The following PEX14 variants were observed in gnomAD, a reference collection of about 807,000 sequenced individuals.
PEX14 encodes the protein peroxisomal membrane protein PEX14.
A neutral mutation model predicts 49.5 loss-of-function variants in PEX14; 15 were observed. That is an observed-to-expected ratio of 0.30 (90% confidence interval 0.20 to 0.47). The LOEUF (loss-of-function observed/expected upper bound fraction) is 0.47, where lower values mean the gene tolerates loss of function less well. Ranked by LOEUF, PEX14 falls within the 20% of genes least tolerant of loss-of-function variation. The pLI is 1.00. For synonymous variants in PEX14, 210 were observed against 212.7 expected (o/e 0.99, Z 0.11); for missense variants, 398 against 494.8 (o/e 0.80, Z 1.86).
intron 3 of PEX14, among the ~76,000 whole-genome samples, chr1:10,567,990 G>C (rs900645246): frequency 6.6e-6 from 1 of 152,144 alleles, no homozygotes; most frequent in Non-Finnish European, 1.5e-5. Flanking sequence ...CTTTCAGCCA[G>C]TTCTTTAATT....
intron 3 of PEX14, among the ~76,000 whole-genome samples, chr1:10,594,541 G>T (rs537509877): frequency 2.0e-4 from 30 of 152,360 alleles, no homozygotes; most frequent in African/African-American, 5.8e-4. Flanking sequence ...GCGCTGGCAG[G>T]AGTTCATTAC....
rs1207985077 is a variant in PEX14, at chr1:10,578,346, T to C, written c.170-20892T>C. Among the ~76,000 whole-genome samples, 4 of 152,130 alleles carry C rather than the reference T, an allele frequency of 2.6e-5. No homozygotes were observed. The East Asian group carries it at 5.8e-4, about 22-fold the overall frequency. On this transcript the variant is annotated intron_variant, in intron 3 of 8. Coordinates refer to ENST00000356607, the MANE Select transcript of PEX14 (RefSeq NM_004565.3). ...TTGAAATCCCAGAAGGGCTACCCCT[T>C]AGGGGCAAATACTACTCCCCAGGGC...
At chr1:10,496,204 A>G (rs979364785) in intron 2 of PEX14, among the ~76,000 whole-genome samples, 1 of 152,074 alleles carries the variant, frequency 6.6e-6, no homozygotes, top group African/African-American at 2.4e-5. Context: ...GCTGAGGGCG[A>G]GTTGGATCCA....
chr1:10,504,324 C>T (rs1317567579), intron 2 of PEX14, among the ~76,000 whole-genome samples: 1 of 152,134 alleles, frequency 6.6e-6, no homozygotes, highest in Non-Finnish European at 1.5e-5. Context: ...GAGATGGGGC[C>T]GACACTGAGT....
At chr1:10,556,641 T>G (rs924276068) in intron 3 of PEX14, among the ~76,000 whole-genome samples, 4 of 152,178 alleles carry the variant, frequency 2.6e-5, no homozygotes, top group Non-Finnish European at 5.9e-5. Flanking sequence ...TGCCGGGCTG[T>G]TTCTTCTACG....
At chr1:10,611,653 G>A (rs1157119184) in intron 4 of PEX14, among the ~76,000 whole-genome samples, 1 of 152,186 alleles carries the variant, frequency 6.6e-6, no homozygotes, top group Non-Finnish European at 1.5e-5. Context: ...ACACCCGATA[G>A]TCTCATTTTT....
chr1:10,591,365 T>C (rs927032060), intron 3 of PEX14, among the ~76,000 whole-genome samples: 1 of 151,952 alleles, frequency 6.6e-6, no homozygotes, highest in African/African-American at 2.4e-5. Flanking sequence ...AGACTTGGCT[T>C]GTATCTTCTT....
chr1:10,618,988 T>A (rs1276022626), intron 5 of PEX14, among the ~76,000 whole-genome samples: 1 of 152,230 alleles, frequency 6.6e-6, no homozygotes, highest in Non-Finnish European at 1.5e-5. Context: ...TGCCACAGCA[T>A]TTAAGAGCGG....
At chr1:10,612,207 T>C (rs1641293902) in intron 4 of PEX14, among the ~76,000 whole-genome samples, 1 of 152,186 alleles carries the variant, frequency 6.6e-6, no homozygotes, top group South Asian at 2.1e-4. Context: ...TTTTTTCCTA[T>C]GGATATCCAG....
rs535870653 is a variant in PEX14 at position 10,532,739 on chromosome 1, A to G, written c.85-3474A>G. 1.1e-4 allele frequency among the ~76,000 whole-genome samples: 17 copies of G among 152,322 alleles called. 1 individual carries two copies. In the South Asian group the frequency reaches 3.5e-3, roughly 32 times the overall value. On this transcript the variant is annotated intron_variant, in intron 2 of 8. Coordinates refer to ENST00000356607, the MANE Select transcript of PEX14 (RefSeq NM_004565.3). ...ATATAACCCATGAATAGTCACATTC[A>G]TCTTCTAATTAGAAAATCAAATGAT...
intron 3 of PEX14, among the ~76,000 whole-genome samples, chr1:10,570,127 C>T (rs1033644581): frequency 1.3e-5 from 2 of 151,786 alleles, no homozygotes; most frequent in East Asian, 3.9e-4. Flanking sequence ...AATAGTTTGT[C>T]TTCTAATAAT....
intron 2 of PEX14, among the ~76,000 whole-genome samples, chr1:10,508,881 T>A (rs549555655): frequency 6.6e-6 from 1 of 152,078 alleles, no homozygotes; most frequent in African/African-American, 2.4e-5. Flanking sequence ...TGGGGAAGGG[T>A]GGGAGTTTCC....
In PEX14 at chr1:10,623,329, A is replaced by T. The variant is rs1641649991; in HGVS notation, c.487+208A>T. 3 of 540,506 alleles carry T rather than the reference A, an allele frequency of 5.6e-6. No homozygotes were observed. Among genetic ancestry groups the T allele is most frequent in the Admixed American group, 2.8e-5 (1 of 35,478 alleles). 33.5% of individuals were successfully genotyped at this position (540,506 alleles called of 1,614,324 possible). ...ACTGTCGGCGCGGCCTCAATTAATTATGTTTTTACGGAAAGGCTCCCAACC... is the reference window on the plus strand; with the variant it reads ...ACTGTCGGCGCGGCCTCAATTAATTTTGTTTTTACGGAAAGGCTCCCAACC... On this transcript the variant is annotated intron_variant, in intron 6 of 8. Transcript: ENST00000356607. This position sits in a 1 kb window ranked among gnomAD's most constrained non-coding sequence, Gnocchi z 4.4.
intron 3 of PEX14, among the ~76,000 whole-genome samples, chr1:10,572,018 G>A (rs1047735841): frequency 6.6e-6 from 1 of 152,116 alleles, no homozygotes; most frequent in Non-Finnish European, 1.5e-5. Context: ...AGTTTATGTA[G>A]TACAATCAGA....
intron 6 of PEX14, 58 bp from the exon 7 acceptor site, chr1:10,624,282 C>T (rs538814390): frequency 1.1e-5 from 12 of 1,108,890 alleles, no homozygotes; most frequent in Admixed American, 1.7e-5. Flanking sequence ...GCGGACCGAG[C>T]GAGGGGAACG....
Position 10,630,081 on chromosome 1 carries a change from T to C in PEX14, c.*94T>C. The C allele has an allele frequency of 6.4e-7, 1 of 1,566,374 alleles. No individual in the cohort carries two copies. Among genetic ancestry groups the C allele is most frequent in the African/African-American group, 1.4e-5 (1 of 73,928 alleles). ...CCCTCTCTGGCCCTGGGAGGGCAGC[T>C]TGGAGCCCAGGTAGGGGGCAGAGCT... On this transcript the variant is annotated 3_prime_UTR_variant, in exon 9 of 9. Coordinates refer to ENST00000356607, the MANE Select transcript of PEX14 (RefSeq NM_004565.3). The surrounding 1 kb of genome is among the most constrained non-coding windows in gnomAD (Gnocchi z 4.1).
intron 5 of PEX14, among the ~76,000 whole-genome samples, chr1:10,620,679 T>C (rs924001731): frequency 2.6e-5 from 4 of 152,070 alleles, no homozygotes; most frequent in African/African-American, 9.7e-5. Context: ...TCCCAGCTAC[T>C]TGGGAGGCTG....
At chr1:10,568,322 TTCC>T (rs1402398378) in intron 3 of PEX14, among the ~76,000 whole-genome samples, 1 of 11,398 alleles carries the variant, frequency 8.8e-5, no homozygotes, top group East Asian at 3.2e-3. Flanking sequence ...GTAGATACTC[TTCC>T]CCCCCCCCCC....
chr1:10,590,634 C>T, intron 3 of PEX14, among the ~76,000 whole-genome samples: 1 of 152,152 alleles, frequency 6.6e-6, no homozygotes, highest in East Asian at 1.9e-4. Flanking sequence ...TAAATAAGCA[C>T]TCAAATATTT....
Sources: gnomAD v4.1 joint callset for allele counts (sites outside exome capture counted in the v4.1 genomes callset) on GRCh38, gnomAD v4.1.1 for gene constraint, Gnocchi (gnomAD v3.1) non-coding constraint, MANE v1.5 for transcripts, NCBI Gene and HGNC (gene_info 2026-07-23, HGNC 2026-07-21) for gene names.